MCPH1: variants seen among roughly 807,000 people sequenced by gnomAD.
MCPH1 encodes microcephalin 1.
Under a neutral mutation model 84.5 loss-of-function variants are expected in MCPH1, and 104 were observed. That is an observed-to-expected ratio of 1.23 (90% CI 1.05 to 1.45). The LOEUF is 1.45. Among genes scored for constraint, MCPH1 ranks in the 40% most tolerant of loss-of-function variants. The pLI is 0.00. For missense variants in MCPH1, 1,498 were observed against 1,005.7 expected, an observed-to-expected ratio of 1.49 and a Z score of -6.62; for synonymous variants, 514 against 366.8, an observed-to-expected ratio of 1.40 and a Z score of -4.58.
chr8:6,584,989 A>T (rs1827854083), intron 12 of MCPH1, among the ~76,000 whole-genome samples: 1 of 152,258 alleles, frequency 6.6e-6, no homozygotes, highest in Non-Finnish European at 1.5e-5. Context: ...AGCAAGGCTC[A>T]TGAAGCAGTA....
chr8:6,600,076 T>A (rs905233895), intron 12 of MCPH1, among the ~76,000 whole-genome samples: 1 of 152,244 alleles, frequency 6.6e-6, no homozygotes, highest in Non-Finnish European at 1.5e-5. Flanking sequence ...CGCTTCATGC[T>A]AAATAAAAGT....
chr8:6,635,295 A>G (rs1187794920), intron 13 of MCPH1: 1 of 152,320 alleles, frequency 6.6e-6, no homozygotes, highest in Non-Finnish European at 1.5e-5. Flanking sequence ...TGACGTTAAC[A>G]CTGCAGAAAA....
intron 9 of MCPH1, among the ~76,000 whole-genome samples, chr8:6,465,362 C>T (rs984092395): frequency 7.2e-5 from 11 of 152,222 alleles, no homozygotes; most frequent in Non-Finnish European, 7.3e-5. Context: ...GAGCTGTTCA[C>T]GCCAAGTGAC....
intron 12 of MCPH1, among the ~76,000 whole-genome samples, chr8:6,572,187 A>G (rs201240694): frequency 4.2e-3 from 2 of 472 alleles, no homozygotes; most frequent in African/African-American, 4.3e-3. Context: ...TTCCCTCAAG[A>G]AAAAAAAAAA....
At chr8:6,557,992 T>TC (rs1307747002) in intron 12 of MCPH1, among the ~76,000 whole-genome samples, 1 of 152,242 alleles carries the variant, frequency 6.6e-6, no homozygotes. Flanking sequence ...CTTGACTGAC[T>TC]CCCTCACAGG....
Position 6,480,892 on chromosome 8 carries a change from G to C in MCPH1, c.2136+16G>C. On this transcript the variant is annotated intron_variant, in intron 11 of 13. Transcript: ENST00000344683. ...TTATGATTGGGTAAGCCCTGTGTGT[G>C]AACTGCGTATTTTAAAACAAGGCAT... 1 of 1,613,200 alleles carries C rather than the reference G, an allele frequency of 6.2e-7. No homozygotes were observed. Among genetic ancestry groups the C allele is most frequent in the Non-Finnish European group, 8.5e-7 (1 of 1,180,012 alleles).
chr8:6,604,154 C>T (rs1215091098), intron 12 of MCPH1, among the ~76,000 whole-genome samples: 2 of 152,036 alleles, frequency 1.3e-5, no homozygotes, highest in African/African-American at 2.4e-5. Flanking sequence ...GCTCAGCCCC[C>T]ATGCTGTCAT....
At chr8:6,630,039 A>C (rs1016341114) in intron 13 of MCPH1, among the ~76,000 whole-genome samples, 13 of 152,214 alleles carry the variant, frequency 8.5e-5, no homozygotes, top group Non-Finnish European at 2.9e-5. Context: ...AAATGATCTC[A>C]TTTTATTTTT....
At chr8:6,500,771 A>G (rs1356874861) in intron 12 of MCPH1, 1 of 152,268 alleles carries the variant, frequency 6.6e-6, no homozygotes, top group Non-Finnish European at 1.5e-5. Context: ...CGTGTAAGGA[A>G]TTGAAGTGTA....
chr8:6,522,471 T>C (rs1586336483), intron 12 of MCPH1, among the ~76,000 whole-genome samples: 1 of 151,734 alleles, frequency 6.6e-6, no homozygotes, highest in East Asian at 2.0e-4. Context: ...AATGAGGAAA[T>C]TGAAACTTAG....
At chr8:6,421,217 G>T (rs1317581005) in intron 3 of MCPH1, among the ~76,000 whole-genome samples, 1 of 152,032 alleles carries the variant, frequency 6.6e-6, no homozygotes, top group Non-Finnish European at 1.5e-5. Flanking sequence ...TCTGCATTCA[G>T]TTAACACTTT....
chr8:6,435,117 G>T (rs1802456010), intron 4 of MCPH1, among the ~76,000 whole-genome samples: 1 of 152,190 alleles, frequency 6.6e-6, no homozygotes, highest in Non-Finnish European at 1.5e-5. Flanking sequence ...TGTAGTTACA[G>T]TTTTTGGGTT....
chr8:6,561,513 T>G (rs951988132), intron 12 of MCPH1, among the ~76,000 whole-genome samples: 3 of 152,208 alleles, frequency 2.0e-5, no homozygotes, highest in Admixed American at 6.5e-5. Context: ...ACAAAAGGTT[T>G]ATGGTGAAAT....
In MCPH1 at chr8:6,445,352, C is replaced by T; in HGVS notation, c.1630C>T (p.Pro544Ser). The T allele has an allele frequency of 6.2e-7, 1 of 1,614,220 alleles. No individual in the cohort carries two copies. Reference sequence around the variant, plus strand: ...AAAAGGACATGATGATGATTTAACTCCTTTGGAAGGAAGCCTTGAAGAAAT... The same window carrying T: ...AAAAGGACATGATGATGATTTAACTTCTTTGGAAGGAAGCCTTGAAGAAAT... ...LPKGHDDDLT[P>S]LEGSLEEMKE... The change falls in exon 8 of 14, where the codon CCT (proline) becomes TCT (serine). Residue 544 changes from proline to serine, a missense_variant. Coordinates refer to ENST00000344683, the MANE Select transcript of MCPH1 (RefSeq NM_024596.5).
chr8:6,601,370 T>G (rs530057168), intron 12 of MCPH1, among the ~76,000 whole-genome samples: 1 of 152,166 alleles, frequency 6.6e-6, no homozygotes, highest in Non-Finnish European at 1.5e-5. Context: ...ACTGCCCTCC[T>G]CCTCTTCCGT....
In MCPH1 at chr8:6,412,943, T is replaced by C. The variant is rs148544149; in HGVS notation, c.115-1822T>C. Among the ~76,000 whole-genome samples, 179 of 152,356 alleles carry C rather than the reference T, an allele frequency of 1.2e-3. 2 individuals are homozygous for C. Among genetic ancestry groups the C allele is most frequent in the African/African-American group, 4.2e-3 (175 of 41,588 alleles). On this transcript the variant is annotated intron_variant, in intron 2 of 13. Coordinates refer to ENST00000344683, the MANE Select transcript of MCPH1 (RefSeq NM_024596.5). ...AGCAACGCTTTGCAGTACATTTCCT[T>C]TTCCATTTTTCAAAGACAGCTACTT...
chr8:6,421,689 A>G (rs1800225158), intron 3 of MCPH1, among the ~76,000 whole-genome samples: 1 of 152,206 alleles, frequency 6.6e-6, no homozygotes, highest in South Asian at 2.1e-4. Flanking sequence ...CTACAGCTGT[A>G]GATTTGGATC....
chr8:6,627,415 A>C (rs1796819887), intron 13 of MCPH1: 1 of 349,230 alleles, frequency 2.9e-6, no homozygotes, highest in African/African-American at 2.2e-5. Context: ...TTCCACACCC[A>C]GGAGCTCAGC....
chr8:6,421,634 C>A (rs560145805), intron 3 of MCPH1, among the ~76,000 whole-genome samples: 1 of 152,114 alleles, frequency 6.6e-6, no homozygotes, highest in South Asian at 2.1e-4. Flanking sequence ...TTTATTGGAA[C>A]ACAGGCATGT....
Sources: gnomAD v4.1 joint callset for allele counts (sites outside exome capture counted in the v4.1 genomes callset) on GRCh38, gnomAD v4.1.1 for gene constraint, MANE v1.5 for transcripts, NCBI Gene and HGNC (gene_info 2026-07-23, HGNC 2026-07-21) for gene names.